CHD8: variants seen among roughly 807,000 people sequenced by gnomAD.
The protein encoded by CHD8 is ATP-dependent chromatin remodeler CHD8.
Under a neutral mutation model 279.2 loss-of-function variants are expected in CHD8, and 31 were observed. The ratio of observed to expected loss-of-function variants is 0.11; its 90% CI spans 0.08 to 0.15. The LOEUF is 0.15. Among genes scored for constraint, CHD8 ranks in the 10% least tolerant of loss-of-function variants. The pLI is 1.00. For missense variants in CHD8, 2,146 were observed against 3,230.5 expected, an observed-to-expected ratio of 0.66 and a Z score of 8.14; for synonymous variants, 1,081 against 1,139.6, an observed-to-expected ratio of 0.95 and a Z score of 1.04.
intron 1 of CHD8, among the ~76,000 whole-genome samples, chr14:21,438,002 C>T (rs1169726641): frequency 6.6e-6 from 1 of 152,088 alleles, no homozygotes; most frequent in Non-Finnish European, 1.5e-5. Context: ...ACTCTAATTC[C>T]CAGTGAGACT....
At chr14:21,417,788 A>G (rs918456908) in intron 5 of CHD8, among the ~76,000 whole-genome samples, 5 of 149,032 alleles carry the variant, frequency 3.4e-5, no homozygotes, top group African/African-American at 1.2e-4. Flanking sequence ...TGGGAGGTGG[A>G]GCTTGCAGTG....
Position 21,393,774 on chromosome 14 carries a change from C to A in CHD8, c.6021G>T (p.Lys2007Asn). The change falls in exon 32 of 38, where the codon AAG (lysine) becomes AAT (asparagine). Residue 2007 changes from lysine (K) to asparagine (N), a missense_variant. Coordinates refer to ENST00000646647, the MANE Select transcript of CHD8 (RefSeq NM_001170629.2). ...CCTGGGTAGCTGTCTCCTCGGGTGA[C>A]TTTTCAACAGGAGCATCTGGGCGCA... ...LPLRPDAPVE[K>N]SPEETATQVP... 6.2e-7 allele frequency: 1 copy of A among 1,613,978 alleles called. No homozygotes were observed. The highest frequency in any genetic ancestry group is 8.5e-7 in the Non-Finnish European group (1 of 1,179,858).
In CHD8 at chr14:21,402,643, A is replaced by G. The variant is rs1888088361; in HGVS notation, c.3715-140T>C. ...AACTCAAAACCAAGAGTCAATTTCA[A>G]GATGAAATTATCACCCCATCATGTA... On this transcript the variant is annotated intron_variant, in intron 18 of 37. Coordinates refer to ENST00000646647, the MANE Select transcript of CHD8 (RefSeq NM_001170629.2). The surrounding 1 kb of genome is among the most constrained non-coding windows in gnomAD (Gnocchi z 4.5). The G allele has an allele frequency of 2.4e-6, 2 of 827,252 alleles. No homozygotes were observed. Among genetic ancestry groups the G allele is most frequent in the South Asian group, 3.9e-5 (2 of 51,266 alleles). 51.2% of individuals were successfully genotyped at this position (827,252 alleles called of 1,614,324 possible).
chr14:21,400,105 A>G lies in CHD8; in HGVS notation c.4728-35T>C, dbSNP rs1887964494. ...ACAGAGGAAGAGCTGGCTCAGTAAC[A>G]CTGTAGAAGTTTGAGGTGGAAAATG... On this transcript the variant is annotated intron_variant, in intron 24 of 37. Transcript: ENST00000646647. This position sits in a 1 kb window ranked among gnomAD's most constrained non-coding sequence, Gnocchi z 4.2. The G allele has an allele frequency of 6.2e-7, 1 of 1,612,940 alleles. No individual in the cohort carries two copies. The highest frequency in any genetic ancestry group is 8.5e-7 in the Non-Finnish European group (1 of 1,179,180).
In CHD8 at chr14:21,431,492, T is replaced by C. The variant is rs1030485615; in HGVS notation, c.152A>G (p.Gln51Arg). The C allele has an allele frequency of 2.6e-5, 40 of 1,537,120 alleles. No homozygotes were observed. The highest frequency in any genetic ancestry group is 3.4e-5 in the Non-Finnish European group (39 of 1,146,890). Residue 51 changes from glutamine to arginine, a missense_variant, in exon 2 of 38, where the codon CAG (glutamine) becomes CGG (arginine). This residue lies in a region of CHD8 where 302 missense variants were observed against 325.5 expected (regional missense o/e 0.93). Transcript: ENST00000646647. The stretch of plus-strand genomic sequence containing the variant: ...CCCCACATCACCACCTCCACCATCC[T>C]GGTTCATCTGATCCAAGGAGTCCAG... ...SSLDSLDQMNQDGGGGDVGNS... is the reference protein window; with the variant it reads ...SSLDSLDQMNRDGGGGDVGNS...
Position 21,429,088 on chromosome 14 carries a change from G to A in CHD8, c.1091C>T (p.Pro364Leu). ...VPQPPSSQPQ[P>L]QQPPSTQPVT... ...TGGCTGGGTGGAGGGTGGCTGCTGG[G>A]GCTGTGGCTGCGATGATGGTGGTTG... The change falls in exon 3 of 38, where the codon CCC becomes CTC. Residue 364 changes from proline to leucine, a missense_variant. Pro to Leu is a moderately conservative substitution (Grantham distance 98). This residue lies in a region of CHD8 where 170 missense variants were observed against 189.9 expected (regional missense o/e 0.90). Coordinates refer to ENST00000646647, the MANE Select transcript of CHD8 (RefSeq NM_001170629.2). 2 of 1,613,976 alleles carry A rather than the reference G, an allele frequency of 1.2e-6. No individual in the cohort carries two copies. Among genetic ancestry groups the A allele is most frequent in the Non-Finnish European group, 1.7e-6 (2 of 1,179,884 alleles).
intron 21 of CHD8, 125 bp downstream of exon 21, chr14:21,401,278 A>G: frequency 1.3e-6 from 1 of 755,548 alleles, no homozygotes; most frequent in Middle Eastern, 2.4e-4. Context: ...AGTATCCACA[A>G]CAGCCCTTGT....
chr14:21,427,906 A>G lies in CHD8; in HGVS notation c.1564T>C (p.Ser522Pro). Reference sequence around the variant, plus strand: ...TTGCCCTTTGTTTTGGAGGCACCAGATGTTTTACTCTTCTTTGGCTTCTCC... The same window carrying G: ...TTGCCCTTTGTTTTGGAGGCACCAGGTGTTTTACTCTTCTTTGGCTTCTCC... ...KEEKPKKSKTSGASKTKGKSK... is the reference protein window; with the variant it reads ...KEEKPKKSKTPGASKTKGKSK... The change falls in exon 4 of 38, where the codon TCT becomes CCT. Residue 522 changes from serine to proline, a missense_variant. Ser to Pro is a moderately conservative substitution (Grantham distance 74). Transcript: ENST00000646647. 1 of 1,614,022 alleles carries G rather than the reference A, an allele frequency of 6.2e-7. No homozygotes were observed. Among genetic ancestry groups the G allele is most frequent in the Non-Finnish European group, 8.5e-7 (1 of 1,179,906 alleles).
chr14:21,450,614 A>G (rs987892386), intron 1 of CHD8, among the ~76,000 whole-genome samples: 6 of 151,998 alleles, frequency 3.9e-5, no homozygotes, highest in Non-Finnish European at 8.8e-5. Flanking sequence ...TAATTGCACC[A>G]CTGCACTCCA....
chr14:21,400,121 G>A lies in CHD8; in HGVS notation c.4727+30C>T, dbSNP rs1887965906. 6.2e-7 allele frequency: 1 copy of A among 1,613,574 alleles called. No individual in the cohort carries two copies. Among genetic ancestry groups the A allele is most frequent in the East Asian group, 2.2e-5 (1 of 44,870 alleles). On this transcript the variant is annotated intron_variant, in intron 24 of 37. Coordinates refer to ENST00000646647, the MANE Select transcript of CHD8 (RefSeq NM_001170629.2). The surrounding 1 kb of genome is among the most constrained non-coding windows in gnomAD (Gnocchi z 4.2). Reference sequence around the variant, plus strand: ...CTCAGTAACACTGTAGAAGTTTGAGGTGGAAAATGTCTGCTAATTCTATGC... The same window carrying A: ...CTCAGTAACACTGTAGAAGTTTGAGATGGAAAATGTCTGCTAATTCTATGC...
chr14:21,432,830 C>T (rs889213304), intron 1 of CHD8, among the ~76,000 whole-genome samples: 7 of 152,140 alleles, frequency 4.6e-5, no homozygotes, highest in African/African-American at 1.7e-4. Context: ...ATTGTTTATA[C>T]CTTAAAACAC....
At chr14:21,454,372 C>G (rs1010270272) in intron 1 of CHD8, among the ~76,000 whole-genome samples, 2 of 152,180 alleles carry the variant, frequency 1.3e-5, no homozygotes, top group Non-Finnish European at 2.9e-5. Flanking sequence ...GGCCGGAATG[C>G]AGGGGCACGA....
At position 21,392,806 on chromosome 14, in the gene CHD8, G is replaced by T; in HGVS notation, c.6472C>A (p.Arg2158Ser). The T allele has an allele frequency of 1.2e-6, 2 of 1,613,098 alleles. No individual in the cohort carries two copies. Among genetic ancestry groups the T allele is most frequent in the South Asian group, 2.2e-5 (2 of 91,028 alleles). The change falls in exon 34 of 38, where the codon CGT becomes AGT. Residue 2158 changes from arginine (R) to serine (S), a missense_variant. Transcript: ENST00000646647. ...AGGTCAATACGGTTTATCAGGACAC[G>T]ATCCTGAATGGGGAAAGAAAGAAAT... ...RQRASEWPKD[R>S]VLINRIDLVC... is the part of the protein sequence containing the mutation.
intron 27 of CHD8, among the ~76,000 whole-genome samples, chr14:21,396,275 A>G (rs1887780175): frequency 6.6e-6 from 1 of 151,768 alleles, no homozygotes; most frequent in African/African-American, 2.4e-5. Flanking sequence ...GGATTACAGG[A>G]GTGAGCCACC....
intron 28 of CHD8, 45 bp from the exon 29 acceptor site, chr14:21,395,397 G>A: frequency 2.8e-6 from 4 of 1,417,444 alleles, no homozygotes; most frequent in East Asian, 2.3e-5. Context: ...GGGAGGGAAA[G>A]GGGGGGAAGT....
At chr14:21,392,158 G>C (rs373765021) in intron 34 of CHD8, 1 of 760,426 alleles carries the variant, frequency 1.3e-6, no homozygotes, top group South Asian at 1.4e-5. Flanking sequence ...GTGCCCCTCA[G>C]CATTTACGAG....
chr14:21,440,538 G>C (rs931674803), intron 1 of CHD8, among the ~76,000 whole-genome samples: 2 of 152,094 alleles, frequency 1.3e-5, no homozygotes, highest in Admixed American at 1.3e-4. Flanking sequence ...ATGAGGAAAA[G>C]TTACCAGGTG....
Position 21,394,752 on chromosome 14 carries a change from G to A in CHD8, c.5390+160C>T, listed in dbSNP as rs532713497. On this transcript the variant is annotated intron_variant, in intron 30 of 37. Transcript: ENST00000646647. ...ACCTACCTGAGAGTTAATGATTACT[G>A]CATGCAAGTGAGGTTTTAATTTCTA... 2.5e-4 allele frequency: 174 copies of A among 704,628 alleles called. No homozygotes were observed. In the South Asian group the frequency reaches 3.3e-3, roughly 13 times the overall value. 43.6% of individuals were successfully genotyped at this position (704,628 alleles called of 1,614,324 possible). A position where few individuals can be genotyped will look rare whatever the true frequency, so the allele number is the denominator to read the frequency against.
intron 1 of CHD8, among the ~76,000 whole-genome samples, chr14:21,441,690 C>A (rs184350153): frequency 2.0e-5 from 3 of 151,938 alleles, no homozygotes; most frequent in Non-Finnish European, 4.4e-5. Flanking sequence ...AGATGGAGAC[C>A]ATCCTGGCTA....
Sources: allele counts gnomAD v4.1 joint callset (sites outside exome capture counted in the v4.1 genomes callset), GRCh38; gene constraint gnomAD v4.1.1; regional missense constraint gnomAD v4.1.1; non-coding constraint Gnocchi (gnomAD v3.1); transcripts MANE v1.5; gene names NCBI Gene and HGNC (gene_info 2026-07-23, HGNC 2026-07-21).